TRAK1: variants seen among roughly 807,000 people sequenced by gnomAD.
TRAK1 encodes trafficking kinesin-binding protein 1.
Under a neutral mutation model 92.1 loss-of-function variants are expected in TRAK1, and 33 were observed. The ratio of observed to expected loss-of-function variants is 0.36; its 90% CI spans 0.27 to 0.48. The LOEUF (loss-of-function observed/expected upper bound fraction) is 0.48, where lower values mean the gene tolerates loss of function less well. Among genes scored for constraint, TRAK1 ranks in the 20% least tolerant of loss-of-function variants. TRAK1 has a pLI of 0.99. For synonymous variants in TRAK1, 521 were observed against 517.3 expected, an observed-to-expected ratio of 1.01 and a Z score of -0.10; for missense variants, 1,123 against 1,257.9, an observed-to-expected ratio of 0.89 and a Z score of 1.62.
chr3:42,088,683 G>A (rs1164111799), upstream of TRAK1, among the ~76,000 whole-genome samples: 1 of 152,098 alleles, frequency 6.6e-6, no homozygotes, highest in Non-Finnish European at 1.5e-5. Flanking sequence ...TCAGTCCAGG[G>A]GTCTGTCCTC....
At chr3:42,203,260 A>G in intron 13 of TRAK1, 1 of 1,020,954 alleles carries the variant, frequency 9.8e-7, no homozygotes, top group Non-Finnish European at 1.2e-6. Flanking sequence ...TCTGATTTGA[A>G]CTTCATATAG....
At chr3:42,155,412 G>C (rs1002611007) in intron 2 of TRAK1, among the ~76,000 whole-genome samples, 1 of 152,156 alleles carries the variant, frequency 6.6e-6, no homozygotes, top group East Asian at 1.9e-4. Flanking sequence ...CTGTTCTTCA[G>C]TTGCTTCTGC....
chr3:42,074,692 T>TTC (rs1209253736), intron 1 of TRAK1, among the ~76,000 whole-genome samples: 1 of 151,286 alleles, frequency 6.6e-6, no homozygotes, highest in African/African-American at 2.4e-5. Flanking sequence ...TTTTTTTTTT[T>TTC]CCCAACTTTT....
At chr3:42,071,189 G>A (rs1703916833) in intron 1 of TRAK1, among the ~76,000 whole-genome samples, 1 of 152,256 alleles carries the variant, frequency 6.6e-6, no homozygotes, top group Admixed American at 6.5e-5. Context: ...CGGAGTGAGT[G>A]CAGTGAAAGC....
At chr3:42,192,944 A>C (rs1576920627) in intron 7 of TRAK1, 131 bp from the exon 8 acceptor site, 2 of 1,323,830 alleles carry the variant, frequency 1.5e-6, no homozygotes. Flanking sequence ...TCCTTCCTGC[A>C]CCCTCCCCAC....
At chr3:42,169,990 G>A (rs554531562) in intron 2 of TRAK1, among the ~76,000 whole-genome samples, 2 of 152,304 alleles carry the variant, frequency 1.3e-5, no homozygotes, top group East Asian at 3.9e-4. Context: ...GTACGAGAAG[G>A]AAATGGCAGG....
chr3:42,134,212 TCCCC>T (rs1559813447), intron 2 of TRAK1, among the ~76,000 whole-genome samples: 2 of 27,716 alleles, frequency 7.2e-5, no homozygotes, highest in African/African-American at 3.2e-4. Context: ...CCTTCCCCCC[TCCCC>T]TCCTCTCCTC....
At chr3:42,119,948 A>G (rs1709635449) in intron 1 of TRAK1, among the ~76,000 whole-genome samples, 1 of 152,206 alleles carries the variant, frequency 6.6e-6, no homozygotes, top group Non-Finnish European at 1.5e-5. Flanking sequence ...GTATGATTTA[A>G]AAAGCTCTTT....
At chr3:42,077,881 T>G (rs6801363) in intron 1 of TRAK1, among the ~76,000 whole-genome samples, 7 of 151,948 alleles carry the variant, frequency 4.6e-5, no homozygotes, top group African/African-American at 1.5e-4. Context: ...GTATAGAATG[T>G]TATTGTCTGT....
Position 42,222,984 on chromosome 3 carries a change from C to G in TRAK1, c.2109C>G (p.His703Gln), listed in dbSNP as rs1292471788. ...APTPACGSTS[H>Q]LKSTPVATPC... ...CTCCAGCTTGTGGCAGCACCAGCCACTTGAAATCCACGCCGGTGGCCACAC... is the reference window on the plus strand; with the variant it reads ...CTCCAGCTTGTGGCAGCACCAGCCAGTTGAAATCCACGCCGGTGGCCACAC... Residue 703 changes from histidine (H) to glutamine (Q), a missense_variant, in exon 16 of 16, where the codon CAC (histidine) becomes CAG (glutamine). His to Gln is a conservative substitution (Grantham distance 24, BLOSUM62 0). Coordinates refer to ENST00000327628, the MANE Select transcript of TRAK1 (RefSeq NM_001042646.3). 1 of 1,614,076 alleles carries G rather than the reference C, an allele frequency of 6.2e-7. No homozygotes were observed. The highest frequency in any genetic ancestry group is 1.3e-5 in the African/African-American group (1 of 75,044).
chr3:42,220,299 G>C (rs1468833678), intron 15 of TRAK1, among the ~76,000 whole-genome samples: 4 of 152,134 alleles, frequency 2.6e-5, no homozygotes, highest in Non-Finnish European at 5.9e-5. Context: ...GACTTGTCTG[G>C]TGTGAGTTGG....
At chr3:42,122,998 T>C (rs1206266619) in intron 1 of TRAK1, among the ~76,000 whole-genome samples, 4 of 152,166 alleles carry the variant, frequency 2.6e-5, no homozygotes, top group African/African-American at 9.7e-5. Context: ...TTTTTAACCC[T>C]TTCCTTGACA....
intron 2 of TRAK1, among the ~76,000 whole-genome samples, chr3:42,152,358 A>C (rs1185774658): frequency 6.6e-6 from 1 of 152,222 alleles, no homozygotes; most frequent in Non-Finnish European, 1.5e-5. Flanking sequence ...TGGCCTTGGC[A>C]GAATTTGCAC....
chr3:42,197,048 A>G (rs1029703152), intron 10 of TRAK1, among the ~76,000 whole-genome samples: 1 of 150,344 alleles, frequency 6.7e-6, no homozygotes, highest in Non-Finnish European at 1.5e-5. Context: ...ACGTTGTTAT[A>G]TTGATACATA....
chr3:42,041,880 C>T (rs371593734), intron 1 of TRAK1, among the ~76,000 whole-genome samples: 5 of 151,830 alleles, frequency 3.3e-5, no homozygotes, highest in Non-Finnish European at 7.4e-5. Flanking sequence ...CCGCAGCCTC[C>T]GCCTCCCGGG....
chr3:42,047,734 G>C (rs565237792), intron 1 of TRAK1, among the ~76,000 whole-genome samples: 1 of 152,116 alleles, frequency 6.6e-6, no homozygotes, highest in African/African-American at 2.4e-5. Flanking sequence ...TTAGGAAAGA[G>C]ATGAAAGTAA....
At chr3:42,145,586 A>AT (rs1699231151) in intron 2 of TRAK1, 1 of 152,576 alleles carries the variant, frequency 6.6e-6, no homozygotes. Flanking sequence ...CCTTAGCATA[A>AT]TTTTCAATTG....
At position 42,191,574 on chromosome 3, in the gene TRAK1, C is replaced by T. The variant is rs770560909; in HGVS notation, c.707C>T (p.Thr236Ile). The T allele has an allele frequency of 1.9e-6, 3 of 1,599,186 alleles. No individual in the cohort carries two copies. The highest frequency in any genetic ancestry group is 1.7e-4 in the Middle Eastern group (1 of 6,012). Reference sequence around the variant, plus strand: ...TGTCTACAGGCCAGCCAGCTGAAGACAGAGACCATCACCTATGAGGAGAAG... The same window carrying T: ...TGTCTACAGGCCAGCCAGCTGAAGATAGAGACCATCACCTATGAGGAGAAG... The part of the protein sequence containing the change: ...VLRSEASQLK[T>I]ETITYEEKEQ... The change falls in exon 7 of 16, where the codon ACA becomes ATA. Residue 236 changes from threonine to isoleucine, a missense_variant. By Grantham distance (89) the Thr-to-Ile change is moderately conservative. This residue lies in a region of TRAK1 where 686 missense variants were observed against 747.6 expected (regional missense o/e 0.92). Transcript: ENST00000327628.
At chr3:42,098,497 A>G (rs1370075772) in intron 1 of TRAK1, among the ~76,000 whole-genome samples, 1 of 152,162 alleles carries the variant, frequency 6.6e-6, no homozygotes, top group African/African-American at 2.4e-5. Context: ...AGGTGAGGAT[A>G]TCAATAACGT....
Sources: gnomAD v4.1 joint callset for allele counts (sites outside exome capture counted in the v4.1 genomes callset) on GRCh38, gnomAD v4.1.1 for gene constraint, gnomAD v4.1.1 regional missense constraint, MANE v1.5 for transcripts, NCBI Gene and HGNC (gene_info 2026-07-23, HGNC 2026-07-21) for gene names.